The following GRIP1 variants were observed in gnomAD, a reference collection of about 807,000 sequenced individuals.
GRIP1 encodes glutamate receptor-interacting protein 1.
GRIP1 carries 45 observed loss-of-function variants against 129.9 expected under a neutral mutation model. The observed-to-expected ratio is 0.35, with a 90% CI of 0.27 to 0.44. The LOEUF is 0.44. Among genes scored for constraint, GRIP1 ranks in the 20% least tolerant of loss-of-function variants. The pLI is 1.00. For missense variants in GRIP1, 1,196 were observed against 1,396.8 expected (o/e 0.86, Z 2.29); for synonymous variants, 530 against 520.8 (o/e 1.02, Z -0.24).
intron 1 of GRIP1, among the ~76,000 whole-genome samples, chr12:66,609,665 T>G (rs896951379): frequency 6.6e-6 from 1 of 152,176 alleles, no homozygotes; most frequent in Non-Finnish European, 1.5e-5. Context: ...AAATCTTGCC[T>G]GAACAAAGAT....
intron 1 of GRIP1, among the ~76,000 whole-genome samples, chr12:67,004,054 C>T (rs1416915801): frequency 1.3e-5 from 2 of 152,188 alleles, no homozygotes; most frequent in Non-Finnish European, 2.9e-5. Flanking sequence ...GACTCTCTCT[C>T]ATAAGGACAT....
upstream of GRIP1, chr12:66,679,147 A>G (rs563210588): frequency 1.7e-4 from 241 of 1,413,850 alleles, no homozygotes; most frequent in Non-Finnish European, 2.1e-4. Context: ...CACAATCACA[A>G]TGGCTTAGAA....
At chr12:66,521,038 T>C (rs1442262619) in intron 5 of GRIP1, among the ~76,000 whole-genome samples, 1 of 152,218 alleles carries the variant, frequency 6.6e-6, no homozygotes, top group Non-Finnish European at 1.5e-5. Flanking sequence ...GATCTTGGGC[T>C]CTGTTGCTCC....
chr12:66,364,265 CAAAA>C (rs1159887365), intron 23 of GRIP1, among the ~76,000 whole-genome samples: 23 of 16,340 alleles, frequency 1.4e-3, no homozygotes, highest in East Asian at 2.5e-3. Flanking sequence ...GACTCCATCT[CAAAA>C]AAAAAAAAAA....
At chr12:67,009,684 A>G (rs1424852168) in intron 1 of GRIP1, among the ~76,000 whole-genome samples, 1 of 152,186 alleles carries the variant, frequency 6.6e-6, no homozygotes, top group Non-Finnish European at 1.5e-5. Context: ...CAAATAGACT[A>G]CAACCTGTTA....
chr12:66,725,131 C>A (rs766465308), intron 1 of GRIP1, among the ~76,000 whole-genome samples: 3 of 151,898 alleles, frequency 2.0e-5, no homozygotes, highest in Non-Finnish European at 4.4e-5. Flanking sequence ...AGCTTTACAA[C>A]AAATTAAAAA....
At chr12:66,923,142 G>C (rs11176487) in intron 1 of GRIP1, among the ~76,000 whole-genome samples, 58,810 of 151,866 alleles carry the variant, frequency 0.39, 11,700 homozygotes, top group East Asian at 0.63. Context: ...GAACCTAATT[G>C]CAATTGATAT....
intron 1 of GRIP1, among the ~76,000 whole-genome samples, chr12:66,847,704 AAC>A (rs2039843250): frequency 1.3e-5 from 2 of 152,182 alleles, no homozygotes; most frequent in South Asian, 2.1e-4. Flanking sequence ...TGTTCCTAGG[AAC>A]TTTATGAGTG....
At chr12:66,527,972 A>C (rs895677260) in intron 5 of GRIP1, among the ~76,000 whole-genome samples, 1 of 151,970 alleles carries the variant, frequency 6.6e-6, no homozygotes, top group Non-Finnish European at 1.5e-5. Flanking sequence ...CCTAAGATAG[A>C]AGTTGGAAAG....
intron 1 of GRIP1, among the ~76,000 whole-genome samples, chr12:66,954,063 T>C (rs1335299635): frequency 6.6e-6 from 1 of 152,164 alleles, no homozygotes; most frequent in Non-Finnish European, 1.5e-5. Context: ...GAGTTTGCAT[T>C]TCTCCTACTG....
chr12:66,693,803 T>A (rs1248383432), intron 1 of GRIP1, among the ~76,000 whole-genome samples: 1 of 152,198 alleles, frequency 6.6e-6, no homozygotes, highest in Non-Finnish European at 1.5e-5. Context: ...GCGAATCCCA[T>A]GATTTTAAAA....
intron 1 of GRIP1, among the ~76,000 whole-genome samples, chr12:66,903,185 T>TA (rs1012301786): frequency 6.6e-6 from 1 of 152,156 alleles, no homozygotes; most frequent in Non-Finnish European, 1.5e-5. Flanking sequence ...AAAAAAGCAT[T>TA]AAAAAAATTT....
rs183385841 is a variant in GRIP1 at position 66,375,511 on chromosome 12, A to G, written c.2778+1506T>C. On this transcript the variant is annotated intron_variant, in intron 22 of 24. Coordinates refer to ENST00000359742, the MANE Select transcript of GRIP1 (RefSeq NM_001366722.1). ...AATCAAGGGAATGGGGTTCATTTAA[A>G]CCAATAAATAAATATTCTTTGTGAT... 2.1e-3 allele frequency among the ~76,000 whole-genome samples: 318 copies of G among 152,332 alleles called. 1 individual carries two copies. The highest frequency in any genetic ancestry group is 7.2e-3 in the African/African-American group (298 of 41,582).
At chr12:66,655,695 C>T (rs560624549) in intron 1 of GRIP1, among the ~76,000 whole-genome samples, 21 of 151,002 alleles carry the variant, frequency 1.4e-4, no homozygotes, top group African/African-American at 4.1e-4. Flanking sequence ...CTGCAAGCTC[C>T]GCCTCCCGGG....
intron 1 of GRIP1, among the ~76,000 whole-genome samples, chr12:66,867,594 A>G (rs1292482077): frequency 6.6e-6 from 1 of 152,164 alleles, no homozygotes; most frequent in Non-Finnish European, 1.5e-5. Flanking sequence ...ATATGTTATA[A>G]TTATCTTGTC....
intron 11 of GRIP1, among the ~76,000 whole-genome samples, chr12:66,452,259 A>C (rs931938964): frequency 1.5e-4 from 23 of 152,330 alleles, no homozygotes; most frequent in African/African-American, 5.3e-4. Flanking sequence ...AAGAGGCAGC[A>C]CAGGCAGCCA....
intron 1 of GRIP1, among the ~76,000 whole-genome samples, chr12:66,631,043 C>T (rs1341930691): frequency 6.6e-6 from 1 of 152,112 alleles, no homozygotes; most frequent in Non-Finnish European, 1.5e-5. Flanking sequence ...TCAAACGATT[C>T]TCCTGCCTCA....
At chr12:66,959,964 A>G (rs1191986294) in intron 1 of GRIP1, among the ~76,000 whole-genome samples, 1 of 152,186 alleles carries the variant, frequency 6.6e-6, no homozygotes, top group Non-Finnish European at 1.5e-5. Context: ...TTAAGTGTAG[A>G]AAATAGCTCG....
At chr12:66,933,974 T>G (rs1365913310) in intron 1 of GRIP1, among the ~76,000 whole-genome samples, 2 of 152,144 alleles carry the variant, frequency 1.3e-5, no homozygotes, top group Non-Finnish European at 2.9e-5. Context: ...AACTCTACTA[T>G]CCTCCCACAG....
Sources: gnomAD v4.1 joint callset for allele counts (sites outside exome capture counted in the v4.1 genomes callset) on GRCh38, gnomAD v4.1.1 for gene constraint, MANE v1.5 for transcripts, NCBI Gene and HGNC (gene_info 2026-07-23, HGNC 2026-07-21) for gene names.